Variants in BBS7 observed in about 807,000 individuals in gnomAD.
The protein encoded by BBS7 is Bardet-Biedl syndrome 7.
BBS7 carries 50 observed loss-of-function variants against 90.3 expected under a neutral mutation model. The ratio of observed to expected loss-of-function variants is 0.55; its 90% confidence interval spans 0.44 to 0.70. BBS7 has a LOEUF of 0.70. Among genes scored for constraint, BBS7 ranks in the 30% least tolerant of loss-of-function variants. The pLI is 0.00. For synonymous variants in BBS7, 235 were observed against 287.4 expected (o/e 0.82, Z 1.85); for missense variants, 729 against 838.9 (o/e 0.87, Z 1.62).
intron 2 of BBS7, among the ~76,000 whole-genome samples, chr4:121,865,737 G>T (rs1727232364): frequency 6.6e-6 from 1 of 152,146 alleles, no homozygotes; most frequent in Non-Finnish European, 1.5e-5. Context: ...TCCCAGCAGT[G>T]GGGTTGCTAA....
chr4:121,836,571 A>T (rs887984462), intron 13 of BBS7, among the ~76,000 whole-genome samples: 2 of 152,254 alleles, frequency 1.3e-5, no homozygotes, highest in Non-Finnish European at 2.9e-5. Context: ...CAAGATATGG[A>T]TAAATAGCTA....
At chr4:121,858,710 T>A (rs939635405) in intron 5 of BBS7, 4 of 311,680 alleles carry the variant, frequency 1.3e-5, no homozygotes, top group African/African-American at 4.4e-5. Flanking sequence ...CAGGTAAAGG[T>A]TCTCTGTAGT....
intron 2 of BBS7, among the ~76,000 whole-genome samples, chr4:121,863,827 A>T (rs1727114074): frequency 6.6e-6 from 1 of 152,228 alleles, no homozygotes; most frequent in Non-Finnish European, 1.5e-5. Context: ...TAGTTTCAAC[A>T]ATTACCAACA....
At chr4:121,826,744 G>A (rs1283437023) in intron 18 of BBS7, among the ~76,000 whole-genome samples, 1 of 152,186 alleles carries the variant, frequency 6.6e-6, no homozygotes, top group African/African-American at 2.4e-5. Flanking sequence ...AGCACTTTGG[G>A]AGGCTGAGGT....
intron 12 of BBS7, among the ~76,000 whole-genome samples, chr4:121,841,378 G>T (rs549417717): frequency 4.6e-5 from 7 of 151,994 alleles, no homozygotes; most frequent in Admixed American, 3.9e-4. Context: ...GCAACAAAGT[G>T]AGGCCCCATT....
In BBS7 at chr4:121,834,359, CAGAA is replaced by C. The variant is rs1725341159; in HGVS notation, c.1511+781_1511+784del. On this transcript the variant is annotated intron_variant, in intron 14 of 18. Coordinates refer to ENST00000264499, the MANE Select transcript of BBS7 (RefSeq NM_176824.3). Reference sequence around the variant, plus strand: ...GTACAACCTTGACTTTTAAGCAAGACAGAAAGAGTCTGTTCTCTTAAATGTTTCC... The same window carrying C: ...GTACAACCTTGACTTTTAAGCAAGACAGAGTCTGTTCTCTTAAATGTTTCC... Among the ~76,000 whole-genome samples, 3 of 152,270 alleles carry C rather than the reference CAGAA, an allele frequency of 2.0e-5. No individual in the cohort carries two copies. The South Asian group carries it at 6.2e-4, about 32-fold the overall frequency.
chr4:121,847,872 T>C (rs1726097822), intron 9 of BBS7, among the ~76,000 whole-genome samples: 2 of 152,128 alleles, frequency 1.3e-5, no homozygotes, highest in South Asian at 4.1e-4. Flanking sequence ...CATGGAAATT[T>C]AAACTCTCAC....
At chr4:121,851,852 A>C (rs1726337643) in intron 8 of BBS7, among the ~76,000 whole-genome samples, 1 of 152,252 alleles carries the variant, frequency 6.6e-6, no homozygotes, top group African/African-American at 2.4e-5. Flanking sequence ...GACCTCTGTC[A>C]TTAGACAGAA....
chr4:121,863,937 G>A lies in BBS7; in HGVS notation c.103-658C>T, dbSNP rs145811039. ...CAACCTTAGACCAGTTCCAGTACGT[G>A]GCCTGCTGGGTACCAGGCCACACAG... On this transcript the variant is annotated intron_variant, in intron 2 of 18. Coordinates refer to ENST00000264499, the MANE Select transcript of BBS7 (RefSeq NM_176824.3). Among the ~76,000 whole-genome samples the A allele has an allele frequency of 4.2e-3, 633 of 152,274 alleles. 10 individuals are homozygous for A. Among genetic ancestry groups the A allele is most frequent in the African/African-American group, 0.014 (594 of 41,554 alleles).
At chr4:121,836,038 C>A (rs373221608) in intron 13 of BBS7, among the ~76,000 whole-genome samples, 1 of 152,088 alleles carries the variant, frequency 6.6e-6, no homozygotes, top group Non-Finnish European at 1.5e-5. Context: ...AAAATTGTTT[C>A]AAATAACTTA....
intron 1 of BBS7, among the ~76,000 whole-genome samples, chr4:121,869,814 C>A (rs1464096114): frequency 6.6e-6 from 1 of 152,224 alleles, no homozygotes; most frequent in Non-Finnish European, 1.5e-5. Context: ...GCTGGGATAA[C>A]AGGCGTGAGC....
At chr4:121,869,775 G>C (rs1019579295) in intron 1 of BBS7, among the ~76,000 whole-genome samples, 9 of 152,176 alleles carry the variant, frequency 5.9e-5, no homozygotes, top group African/African-American at 1.9e-4. Context: ...CTGACCTTAG[G>C]TGATCCGCCC....
At chr4:121,855,874 A>G (rs1196078074) in intron 5 of BBS7, among the ~76,000 whole-genome samples, 1 of 143,612 alleles carries the variant, frequency 7.0e-6, no homozygotes, top group Non-Finnish European at 1.5e-5. Context: ...ATATATGTAT[A>G]TGTACATATA....
chr4:121,868,774 T>C lies in BBS7; in HGVS notation c.37-728A>G, dbSNP rs183610718. 1.3e-3 allele frequency among the ~76,000 whole-genome samples: 163 copies of C among 129,704 alleles called. 1 individual carries two copies. Among genetic ancestry groups the C allele is most frequent in the African/African-American group, 4.7e-3 (156 of 33,262 alleles). The allele number at this position is 129,704 out of a possible 152,430, so 85.1% of individuals were successfully genotyped here. ...TGGCCATAACATCCAATCTAACAGG[T>C]GAAGATTATTTTACAAAAAAATACA... On this transcript the variant is annotated intron_variant, in intron 1 of 18. Transcript: ENST00000264499.
chr4:121,867,906 T>C (rs1329896095), intron 2 of BBS7, 75 bp downstream of exon 2: 2 of 1,248,896 alleles, frequency 1.6e-6, no homozygotes, highest in East Asian at 2.3e-5. Flanking sequence ...AATAACTTAA[T>C]AATAAAGAAG....
chr4:121,849,066 T>G (rs1395754170), intron 8 of BBS7, 138 bp from the exon 9 acceptor site: 1 of 665,078 alleles, frequency 1.5e-6, no homozygotes. Flanking sequence ...ACACTCAGAT[T>G]AGAAAGACAA....
intron 4 of BBS7, 137 bp downstream of exon 4, chr4:121,861,367 G>T (rs1006978320): frequency 4.8e-6 from 4 of 826,258 alleles, no homozygotes; most frequent in Non-Finnish European, 7.3e-6. Flanking sequence ...GTCAAATTTA[G>T]TTTCTGACTA....
chr4:121,859,435 C>T (rs753164569), intron 4 of BBS7, among the ~76,000 whole-genome samples: 25 of 151,972 alleles, frequency 1.6e-4, no homozygotes, highest in Non-Finnish European at 3.2e-4. Context: ...AAAACAAAGA[C>T]AAGATAATGA....
At position 121,852,961 on chromosome 4, in the gene BBS7, C is replaced by A. The variant is rs1315118114; in HGVS notation, c.844G>T (p.Asp282Tyr). The change falls in exon 8 of 19, where the codon GAT becomes TAT. Residue 282 changes from aspartate to tyrosine, a missense_variant. Transcript: ENST00000264499. ...DNANEPVLRF[D>Y]QMLSESVTSI... ...GTCTTTTTTAATGAACTTACCTGAT[C>A]AAATCGTAGAACAGGTTCATTTGCA... 1.2e-6 allele frequency: 2 copies of A among 1,613,432 alleles called. No homozygotes were observed. The highest frequency in any genetic ancestry group is 1.7e-6 in the Non-Finnish European group (2 of 1,179,678).
Sources: allele counts gnomAD v4.1 joint callset (sites outside exome capture counted in the v4.1 genomes callset), GRCh38; gene constraint gnomAD v4.1.1; transcripts MANE v1.5; gene names NCBI Gene and HGNC (gene_info 2026-07-23, HGNC 2026-07-21).